The following KCNIP4 variants were observed in gnomAD, a reference collection of about 807,000 sequenced individuals.
KCNIP4 encodes the protein potassium voltage-gated channel interacting protein 4.
A neutral mutation model predicts 34.0 loss-of-function variants in KCNIP4; 12 were observed. The observed-to-expected ratio is 0.35, with a 90% CI of 0.23 to 0.57. The LOEUF (loss-of-function observed/expected upper bound fraction) is 0.57. KCNIP4 is among the 20% of genes least tolerant of loss of function. The pLI is 0.83. For missense variants in KCNIP4, 238 were observed against 311.7 expected, an observed-to-expected ratio of 0.76 and a Z score of 1.78; for synonymous variants, 124 against 102.2, an observed-to-expected ratio of 1.21 and a Z score of -1.29.
At chr4:20,929,688 C>A (rs1448349280) in intron 1 of KCNIP4, among the ~76,000 whole-genome samples, 1 of 151,850 alleles carries the variant, frequency 6.6e-6, no homozygotes, top group East Asian at 1.9e-4. Context: ...AGTAAACTTG[C>A]AGGATACAAA....
intron 1 of KCNIP4, among the ~76,000 whole-genome samples, chr4:21,148,879 C>T (rs541582375): frequency 2.0e-5 from 3 of 152,272 alleles, no homozygotes; most frequent in African/African-American, 4.8e-5. Flanking sequence ...GAATGAAAAA[C>T]TGTGCTGCCT....
At chr4:21,312,864 C>T (rs896609322) in intron 1 of KCNIP4, among the ~76,000 whole-genome samples, 6 of 152,186 alleles carry the variant, frequency 3.9e-5, no homozygotes, top group African/African-American at 1.2e-4. Context: ...CGTCTTTCAG[C>T]TCCAAATGTA....
intron 2 of KCNIP4, among the ~76,000 whole-genome samples, chr4:20,856,085 A>G (rs957285487): frequency 1.3e-5 from 2 of 152,170 alleles, no homozygotes; most frequent in Non-Finnish European, 2.9e-5. Context: ...GATTCTATTC[A>G]ATGGGTCCTG....
chr4:21,536,942 T>G (rs1737226121), intron 1 of KCNIP4, among the ~76,000 whole-genome samples: 1 of 152,190 alleles, frequency 6.6e-6, no homozygotes, highest in African/African-American at 2.4e-5. Context: ...CTATATTTTA[T>G]TCTATTACAC....
intron 1 of KCNIP4, among the ~76,000 whole-genome samples, chr4:21,471,692 T>C (rs1173329435): frequency 2.6e-5 from 4 of 152,162 alleles, no homozygotes; most frequent in Non-Finnish European, 5.9e-5. Flanking sequence ...AGTATCAATC[T>C]TGTGGAACAG....
intron 1 of KCNIP4, among the ~76,000 whole-genome samples, chr4:21,440,762 GTGCCAAGCCAAA>G (rs1727399912): frequency 2.0e-5 from 3 of 152,062 alleles, no homozygotes; most frequent in African/African-American, 7.2e-5. Context: ...TGTTAAAATA[GTGCCAAGCCAAA>G]TGAAATGATT....
At chr4:21,464,888 A>G (rs945849615) in intron 1 of KCNIP4, 1 of 152,120 alleles carries the variant, frequency 6.6e-6, no homozygotes, top group Non-Finnish European at 1.5e-5. Flanking sequence ...CATTTCTCAT[A>G]AAAGTAATAT....
chr4:21,170,230 C>G (rs1044850096), intron 1 of KCNIP4, among the ~76,000 whole-genome samples: 1 of 152,076 alleles, frequency 6.6e-6, no homozygotes, highest in Non-Finnish European at 1.5e-5. Context: ...CATGGTAGAT[C>G]TTTCATTAGC....
intron 1 of KCNIP4, among the ~76,000 whole-genome samples, chr4:21,401,503 T>C (rs1723557819): frequency 6.6e-6 from 1 of 152,194 alleles, no homozygotes; most frequent in South Asian, 2.1e-4. Context: ...CAAGTTAATT[T>C]GCCCATGTTG....
intron 1 of KCNIP4, among the ~76,000 whole-genome samples, chr4:21,651,774 G>T (rs1747498879): frequency 6.6e-6 from 1 of 152,048 alleles, no homozygotes; most frequent in Admixed American, 6.6e-5. Context: ...CAGACTTTCA[G>T]GATTCAAATC....
At chr4:21,013,959 C>A (rs1339588463) in intron 1 of KCNIP4, among the ~76,000 whole-genome samples, 1 of 152,132 alleles carries the variant, frequency 6.6e-6, no homozygotes, top group Non-Finnish European at 1.5e-5. Flanking sequence ...TTCTCTGAGC[C>A]TTCACAGAAT....
rs564551698 is a variant in KCNIP4 at position 20,891,566 on chromosome 4, C to T, written c.62-8857G>A. 2.0e-4 allele frequency among the ~76,000 whole-genome samples: 31 copies of T among 152,198 alleles called. 1 individual carries two copies. Among genetic ancestry groups the T allele is most frequent in the Admixed American group, 2.0e-3 (30 of 15,292 alleles). ...GTTGCAGTGAGCCAAGATCACGCCACGGCACTCTAGCCTGGAGACAGAGTG... is the reference window on the plus strand; with the variant it reads ...GTTGCAGTGAGCCAAGATCACGCCATGGCACTCTAGCCTGGAGACAGAGTG... On this transcript the variant is annotated intron_variant, in intron 1 of 8. Transcript: ENST00000382152.
chr4:21,516,191 C>T (rs181300665), intron 1 of KCNIP4, among the ~76,000 whole-genome samples: 14 of 152,186 alleles, frequency 9.2e-5, no homozygotes, highest in Admixed American at 9.2e-4. Flanking sequence ...TAGTGTCTTC[C>T]TAAATATCTT....
chr4:21,352,546 C>A (rs1718119523), intron 1 of KCNIP4, among the ~76,000 whole-genome samples: 1 of 152,186 alleles, frequency 6.6e-6, no homozygotes, highest in Non-Finnish European at 1.5e-5. Context: ...TCTGGGATTG[C>A]CTTGCAAGGC....
chr4:21,195,318 G>C (rs1317569894), intron 1 of KCNIP4, among the ~76,000 whole-genome samples: 1 of 152,208 alleles, frequency 6.6e-6, no homozygotes, highest in Non-Finnish European at 1.5e-5. Flanking sequence ...GAATATATGT[G>C]TACTCAAATA....
rs1714617857 is a variant in KCNIP4 at position 21,719,328 on chromosome 4, T to C, written c.61+229243A>G. ...TATAGAGGAGTCAATTTAAATTTATTATCTGCCTGCTGCTGTTTCAGCTGC... is the reference window on the plus strand; with the variant it reads ...TATAGAGGAGTCAATTTAAATTTATCATCTGCCTGCTGCTGTTTCAGCTGC... On this transcript the variant is annotated intron_variant, in intron 1 of 8. Transcript: ENST00000382152. Among the ~76,000 whole-genome samples, 3 of 152,128 alleles carry C rather than the reference T, an allele frequency of 2.0e-5. 1 individual carries two copies. The South Asian group carries it at 6.2e-4, about 31-fold the overall frequency.
At chr4:21,514,534 G>A (rs1317168195) in intron 1 of KCNIP4, among the ~76,000 whole-genome samples, 2 of 152,026 alleles carry the variant, frequency 1.3e-5, no homozygotes, top group Non-Finnish European at 2.9e-5. Context: ...GCCCTAATGG[G>A]AAAAATAGTA....
At chr4:21,232,498 AATG>A (rs1242087038) in intron 1 of KCNIP4, among the ~76,000 whole-genome samples, 1 of 152,176 alleles carries the variant, frequency 6.6e-6, no homozygotes, top group Non-Finnish European at 1.5e-5. Flanking sequence ...CAAATTTAAG[AATG>A]ATTTTTACAT....
chr4:21,319,883 G>T (rs1199066731), intron 1 of KCNIP4, among the ~76,000 whole-genome samples: 2 of 152,092 alleles, frequency 1.3e-5, no homozygotes, highest in African/African-American at 4.8e-5. Flanking sequence ...GTATGGAATA[G>T]AAAAGAAAAA....
Sources: allele counts gnomAD v4.1 joint callset (sites outside exome capture counted in the v4.1 genomes callset), GRCh38; gene constraint gnomAD v4.1.1; transcripts MANE v1.5; gene names NCBI Gene and HGNC (gene_info 2026-07-23, HGNC 2026-07-21).